The following PRKCE variants were observed in gnomAD, a reference collection of about 807,000 sequenced individuals.
PRKCE encodes protein kinase C epsilon, also known as protein kinase C epsilon type.
In PRKCE, 16 loss-of-function variants were observed where a neutral mutation model predicts 85.4. That is an observed-to-expected ratio of 0.19 (90% CI 0.13 to 0.28). The LOEUF (loss-of-function observed/expected upper bound fraction) is 0.28. Ranked by LOEUF, PRKCE falls within the 10% of genes least tolerant of loss-of-function variation. The probability of loss-of-function intolerance (pLI) is 1.00; values close to 1 mark genes in which losing one functional copy is unlikely to be tolerated. For missense variants in PRKCE, 573 were observed against 975.2 expected, an observed-to-expected ratio of 0.59 and a Z score of 5.49; for synonymous variants, 388 against 371.5, an observed-to-expected ratio of 1.04 and a Z score of -0.51.
intron 2 of PRKCE, among the ~76,000 whole-genome samples, chr2:45,946,505 C>T (rs777505987): frequency 1.3e-5 from 2 of 152,180 alleles, no homozygotes; most frequent in Non-Finnish European, 2.9e-5. Context: ...ACTGTCTAAT[C>T]CCAAAGACAT....
intron 6 of PRKCE, among the ~76,000 whole-genome samples, chr2:45,997,810 G>T (rs1010873540): frequency 2.0e-5 from 3 of 152,208 alleles, no homozygotes; most frequent in African/African-American, 7.2e-5. Flanking sequence ...GCCTCCCAAA[G>T]TGCTGGGATT....
intron 11 of PRKCE, among the ~76,000 whole-genome samples, chr2:46,111,729 C>G (rs1488678996): frequency 6.6e-6 from 1 of 152,192 alleles, no homozygotes; most frequent in Non-Finnish European, 1.5e-5. Flanking sequence ...TATTCACTCT[C>G]AGTTGATGGA....
intron 10 of PRKCE, among the ~76,000 whole-genome samples, chr2:46,018,578 T>G (rs1417787718): frequency 6.6e-6 from 1 of 152,258 alleles, no homozygotes; most frequent in African/African-American, 2.4e-5. Flanking sequence ...TTTTGTAAAT[T>G]GTGTTTTAAT....
At chr2:45,768,197 A>G (rs1049246711) in intron 1 of PRKCE, among the ~76,000 whole-genome samples, 1 of 150,756 alleles carries the variant, frequency 6.6e-6, no homozygotes, top group Non-Finnish European at 1.5e-5. Context: ...AGGAAATTTG[A>G]CCATTTTCAT....
chr2:46,045,616 C>T (rs929655361), intron 10 of PRKCE, among the ~76,000 whole-genome samples: 11 of 152,182 alleles, frequency 7.2e-5, no homozygotes, highest in South Asian at 2.1e-4. Flanking sequence ...TGGTCACTCT[C>T]GCCTGTAATC....
chr2:46,037,410 G>T (rs1054143956), intron 10 of PRKCE, among the ~76,000 whole-genome samples: 1 of 152,100 alleles, frequency 6.6e-6, no homozygotes, highest in South Asian at 2.1e-4. Context: ...AGAAAGCAGG[G>T]GTGCATTGTT....
intron 13 of PRKCE, among the ~76,000 whole-genome samples, chr2:46,152,768 C>T (rs1424751885): frequency 1.3e-5 from 2 of 151,596 alleles, no homozygotes; most frequent in Non-Finnish European, 2.9e-5. Context: ...AGGCTGGTTC[C>T]GAACTCCTGA....
chr2:45,788,761 C>T (rs1686812602), intron 1 of PRKCE, among the ~76,000 whole-genome samples: 1 of 152,148 alleles, frequency 6.6e-6, no homozygotes, highest in South Asian at 2.1e-4. Context: ...TACTTACTTT[C>T]TGTCTAAAGT....
At chr2:45,998,073 G>T (rs1469659616) in intron 6 of PRKCE, among the ~76,000 whole-genome samples, 1 of 152,006 alleles carries the variant, frequency 6.6e-6, no homozygotes, top group Non-Finnish European at 1.5e-5. Flanking sequence ...CCCAGAATGT[G>T]GTCTTTCTTG....
chr2:45,943,444 T>A (rs1700025709), intron 2 of PRKCE, among the ~76,000 whole-genome samples: 1 of 152,240 alleles, frequency 6.6e-6, no homozygotes, highest in South Asian at 2.1e-4. Context: ...TAGCCGGGGC[T>A]TAGGAAGGTC....
At chr2:45,711,173 A>G (rs1202731188) in intron 1 of PRKCE, among the ~76,000 whole-genome samples, 1 of 152,250 alleles carries the variant, frequency 6.6e-6, no homozygotes, top group Non-Finnish European at 1.5e-5. Context: ...CAGGCAAGGT[A>G]CTTATCCCCT....
At chr2:45,852,289 C>G (rs1258408525) in intron 2 of PRKCE, among the ~76,000 whole-genome samples, 7 of 152,168 alleles carry the variant, frequency 4.6e-5, no homozygotes, top group Admixed American at 1.3e-4. Flanking sequence ...AACAAAAACC[C>G]GTGACCTCTA....
At chr2:45,797,594 T>G (rs998425767) in intron 1 of PRKCE, among the ~76,000 whole-genome samples, 64 of 152,342 alleles carry the variant, frequency 4.2e-4, no homozygotes, top group African/African-American at 1.5e-3. Flanking sequence ...CCAACCCCAC[T>G]GAAGCTCTGG....
chr2:45,746,563 T>G (rs1683151663), intron 1 of PRKCE, among the ~76,000 whole-genome samples: 1 of 152,244 alleles, frequency 6.6e-6, no homozygotes, highest in South Asian at 2.1e-4. Flanking sequence ...TTTGTCTTCC[T>G]AAGTTTCTAC....
chr2:45,744,297 T>C (rs1449828064), intron 1 of PRKCE, among the ~76,000 whole-genome samples: 1 of 152,124 alleles, frequency 6.6e-6, no homozygotes, highest in Non-Finnish European at 1.5e-5. Flanking sequence ...GTAGGTATTG[T>C]TTTCCAAAAA....
At position 45,838,211 on chromosome 2, in the gene PRKCE, C is replaced by T. The variant is rs542512294; in HGVS notation, c.349-4789C>T. Among the ~76,000 whole-genome samples, 12 of 152,204 alleles carry T rather than the reference C, an allele frequency of 7.9e-5. No homozygotes were observed. The South Asian group carries it at 1.2e-3, about 16-fold the overall frequency. ...AAGGGGAATGAGCCCACTCTGGGGA[C>T]GGGAGGGTTGAAGGAAGGAGACTGC... On this transcript the variant is annotated intron_variant, in intron 1 of 14. Transcript: ENST00000306156.
chr2:45,934,635 C>T lies in PRKCE; in HGVS notation c.413-41794C>T, dbSNP rs367814649. The stretch of plus-strand genomic sequence containing the variant: ...CTGCAATCCAGCCTGGGTGATAAAG[C>T]GAGACTCTGCCTCAAAAAAAAAAAA... On this transcript the variant is annotated intron_variant, in intron 2 of 14. Coordinates refer to ENST00000306156, the MANE Select transcript of PRKCE (RefSeq NM_005400.3). Among the ~76,000 whole-genome samples, 30 of 146,940 alleles carry T rather than the reference C, an allele frequency of 2.0e-4. 1 individual carries two copies. Among genetic ancestry groups the T allele is most frequent in the African/African-American group, 7.5e-4 (30 of 40,212 alleles).
At chr2:46,018,694 C>T (rs1706383452) in intron 10 of PRKCE, among the ~76,000 whole-genome samples, 1 of 152,208 alleles carries the variant, frequency 6.6e-6, no homozygotes, top group South Asian at 2.1e-4. Flanking sequence ...CGATGTGTAT[C>T]ATTCCAGTTT....
chr2:45,732,095 A>G (rs1681627731), intron 1 of PRKCE, among the ~76,000 whole-genome samples: 1 of 152,196 alleles, frequency 6.6e-6, no homozygotes, highest in African/African-American at 2.4e-5. Flanking sequence ...GAGAAGGGCC[A>G]TACCATCTTA....
Sources: gnomAD v4.1 joint callset for allele counts (sites outside exome capture counted in the v4.1 genomes callset) on GRCh38, gnomAD v4.1.1 for gene constraint, MANE v1.5 for transcripts, NCBI Gene and HGNC (gene_info 2026-07-23, HGNC 2026-07-21) for gene names.